Variants in FBN2 observed in about 807,000 individuals in gnomAD.
FBN2 encodes fibrillin-2.
Under a neutral mutation model 355.6 loss-of-function variants are expected in FBN2, and 105 were observed. The ratio of observed to expected loss-of-function variants is 0.30; its 90% confidence interval spans 0.25 to 0.35. FBN2 has a LOEUF of 0.35. Ranked by LOEUF, FBN2 falls within the 10% of genes least tolerant of loss-of-function variation. FBN2 has a pLI of 1.00. For missense variants in FBN2, 3,280 were observed against 3,758.7 expected, an observed-to-expected ratio of 0.87 and a Z score of 3.33; for synonymous variants, 1,350 against 1,301.2, an observed-to-expected ratio of 1.04 and a Z score of -0.81.
At chr5:128,454,644 T>C (rs1754337018) in intron 6 of FBN2, among the ~76,000 whole-genome samples, 1 of 152,238 alleles carries the variant, frequency 6.6e-6, no homozygotes, top group South Asian at 2.1e-4. Flanking sequence ...ATTAAAGTCC[T>C]CTACTCTCTC....
At chr5:128,262,569 T>G (rs1765002494) in intron 63 of FBN2, among the ~76,000 whole-genome samples, 1 of 152,208 alleles carries the variant, frequency 6.6e-6, no homozygotes, top group Non-Finnish European at 1.5e-5. Flanking sequence ...CTGTATTTGC[T>G]GCTTGCAACA....
At chr5:128,334,993 A>T (rs2126895987) in intron 30 of FBN2, 149 bp from the exon 31 acceptor site, 1 of 1,181,276 alleles carries the variant, frequency 8.5e-7, no homozygotes, top group Non-Finnish European at 1.2e-6. Flanking sequence ...ATAAATATAC[A>T]ACCTGCCTTT....
At chr5:128,408,949 G>T (rs1190493323) in intron 7 of FBN2, 150 bp from the exon 8 acceptor site, 5 of 862,944 alleles carry the variant, frequency 5.8e-6, no homozygotes, top group Non-Finnish European at 9.3e-6. Context: ...AGGCCCCAAA[G>T]AATTTCTCAC....
chr5:128,521,905 C>T (rs1296447995), intron 4 of FBN2, among the ~76,000 whole-genome samples: 2 of 152,198 alleles, frequency 1.3e-5, no homozygotes, highest in African/African-American at 4.8e-5. Flanking sequence ...CTAGGTTAGA[C>T]TATCAATGCC....
chr5:128,369,113 C>T, intron 16 of FBN2, 69 bp downstream of exon 16: 1 of 1,497,390 alleles, frequency 6.7e-7, no homozygotes, highest in Non-Finnish European at 9.3e-7. Context: ...CTGATGTTCT[C>T]TTTGGCCAAA....
chr5:128,488,806 C>T (rs1356745276), intron 5 of FBN2, among the ~76,000 whole-genome samples: 1 of 151,746 alleles, frequency 6.6e-6, no homozygotes, highest in Non-Finnish European at 1.5e-5. Context: ...CAATTTCATC[C>T]ATGTCCCTAC....
At chr5:128,362,278 A>T (rs1054577517) in intron 18 of FBN2, among the ~76,000 whole-genome samples, 9 of 152,222 alleles carry the variant, frequency 5.9e-5, no homozygotes, top group Non-Finnish European at 7.4e-5. Flanking sequence ...TTATGTCTTC[A>T]TGTCCCAGAT....
At chr5:128,306,089 A>C (rs946121104) in intron 42 of FBN2, 141 bp from the exon 43 acceptor site, 14 of 794,796 alleles carry the variant, frequency 1.8e-5, no homozygotes, top group African/African-American at 7.0e-5. Flanking sequence ...AGTATAGCTA[A>C]TTTTTTTGGT....
At chr5:128,536,507 CG>C (rs761985429) in intron 1 of FBN2, 23 bp from the exon 2 acceptor site, 1 of 1,586,234 alleles carries the variant, frequency 6.3e-7, no homozygotes, top group East Asian at 2.2e-5. Flanking sequence ...AGCGCGGTCA[CG>C]TAACAGATAG....
chr5:128,271,711 T>C (rs997113314), intron 62 of FBN2, among the ~76,000 whole-genome samples: 6 of 152,182 alleles, frequency 3.9e-5, no homozygotes, highest in African/African-American at 1.4e-4. Context: ...AAGATGATGA[T>C]TCTTGACATC....
intron 55 of FBN2, among the ~76,000 whole-genome samples, chr5:128,284,237 T>G (rs1449631115): frequency 6.6e-6 from 1 of 152,172 alleles, no homozygotes; most frequent in Non-Finnish European, 1.5e-5. Flanking sequence ...AATAATCCTA[T>G]GAAAGTGTGC....
chr5:128,368,386 A>G (rs530976181), intron 16 of FBN2, among the ~76,000 whole-genome samples: 26 of 149,304 alleles, frequency 1.7e-4, no homozygotes, highest in African/African-American at 6.3e-4. Context: ...ATATATATAT[A>G]GAGAGAGATC....
intron 5 of FBN2, among the ~76,000 whole-genome samples, chr5:128,478,827 C>G (rs1451591728): frequency 1.3e-5 from 2 of 152,020 alleles, no homozygotes; most frequent in Non-Finnish European, 1.5e-5. Flanking sequence ...TTTCAGGGGC[C>G]CTTAATGTAC....
chr5:128,407,115 C>G (rs1752946051), intron 8 of FBN2, among the ~76,000 whole-genome samples: 5 of 152,158 alleles, frequency 3.3e-5, no homozygotes, highest in Admixed American at 3.3e-4. Context: ...GAGGCCCTGA[C>G]ATCTAGCCAC....
chr5:128,339,752 C>T (rs1187119070), intron 25 of FBN2, among the ~76,000 whole-genome samples: 1 of 152,148 alleles, frequency 6.6e-6, no homozygotes, highest in Non-Finnish European at 1.5e-5. Flanking sequence ...GCCCATGCCA[C>T]CCCAGGTCGC....
At position 128,319,019 on chromosome 5, in the gene FBN2, A is replaced by G; in HGVS notation, c.4472-18T>C. On this transcript the variant is annotated intron_variant, in intron 34 of 64. Transcript: ENST00000262464. Reference sequence around the variant, plus strand: ...ATCAATATCTGAAGATTTTAAAAAAAAGTAATCTCTTATTTAAGAAGACAT... The same window carrying G: ...ATCAATATCTGAAGATTTTAAAAAAGAGTAATCTCTTATTTAAGAAGACAT... The G allele has an allele frequency of 6.3e-7, 1 of 1,582,586 alleles. No individual in the cohort carries two copies. The highest frequency in any genetic ancestry group is 8.7e-7 in the Non-Finnish European group (1 of 1,151,648).
intron 13 of FBN2, 40 bp downstream of exon 13, chr5:128,377,712 C>A: frequency 6.2e-7 from 1 of 1,605,544 alleles, no homozygotes. Flanking sequence ...AATGTATATC[C>A]TTTTAAAATC....
chr5:128,460,390 T>G (rs1228736637), intron 6 of FBN2, among the ~76,000 whole-genome samples: 1 of 152,182 alleles, frequency 6.6e-6, no homozygotes, highest in African/African-American at 2.4e-5. Flanking sequence ...TCAGTCCTCA[T>G]GCATAGGAAG....
intron 62 of FBN2, among the ~76,000 whole-genome samples, chr5:128,268,545 T>C (rs1478370073): frequency 6.6e-6 from 1 of 152,162 alleles, no homozygotes; most frequent in Non-Finnish European, 1.5e-5. Context: ...ATCATCCTGA[T>C]ACCAAAACCT....
Sources: allele counts gnomAD v4.1 joint callset (sites outside exome capture counted in the v4.1 genomes callset), GRCh38; gene constraint gnomAD v4.1.1; transcripts MANE v1.5; gene names NCBI Gene and HGNC (gene_info 2026-07-23, HGNC 2026-07-21).